The following SACM1L variants were observed in gnomAD, a reference collection of about 807,000 sequenced individuals.
SACM1L encodes phosphatidylinositol-3-phosphatase SAC1.
Under a neutral mutation model 89.5 loss-of-function variants are expected in SACM1L, and 32 were observed. The ratio of observed to expected loss-of-function variants is 0.36; its 90% CI spans 0.27 to 0.48. The LOEUF is 0.48. SACM1L is among the 20% of genes least tolerant of loss of function. The pLI is 0.99. For missense variants in SACM1L, 543 were observed against 708.5 expected, an observed-to-expected ratio of 0.77 and a Z score of 2.65; for synonymous variants, 213 against 232.8, an observed-to-expected ratio of 0.92 and a Z score of 0.77.
At chr3:45,690,639 T>G (rs1291369598) in intron 1 of SACM1L, among the ~76,000 whole-genome samples, 1 of 152,218 alleles carries the variant, frequency 6.6e-6, no homozygotes, top group Non-Finnish European at 1.5e-5. Flanking sequence ...AGATGATTGC[T>G]TTTTCTACAG....
chr3:45,723,302 T>C (rs919886178), intron 10 of SACM1L, among the ~76,000 whole-genome samples, 173 bp from the exon 11 acceptor site: 1 of 152,136 alleles, frequency 6.6e-6, no homozygotes, highest in African/African-American at 2.4e-5. Flanking sequence ...AGCTTATGAT[T>C]ACTAGATGAC....
At chr3:45,708,241 C>T (rs186544946) in intron 4 of SACM1L, among the ~76,000 whole-genome samples, 14 of 152,252 alleles carry the variant, frequency 9.2e-5, no homozygotes, top group Non-Finnish European at 1.6e-4. Context: ...CATATTTAAA[C>T]AGGATCTGTT....
At chr3:45,724,684 C>T (rs1306903074) in intron 11 of SACM1L, among the ~76,000 whole-genome samples, 2 of 152,126 alleles carry the variant, frequency 1.3e-5, no homozygotes, top group Admixed American at 1.3e-4. Context: ...CTCTTGGTGT[C>T]AAATTCAAGA....
intron 5 of SACM1L, among the ~76,000 whole-genome samples, chr3:45,711,995 C>T (rs1877933): frequency 0.48 from 73,488 of 152,094 alleles, 18,294 homozygotes; most frequent in Middle Eastern, 0.57. Flanking sequence ...TTTATAGAAA[C>T]AGCAGTGTGT....
At chr3:45,739,811 A>T in intron 19 of SACM1L, 167 bp downstream of exon 19, 1 of 673,408 alleles carries the variant, frequency 1.5e-6, no homozygotes, top group Non-Finnish European at 2.6e-6. Flanking sequence ...GAAAAATAAC[A>T]TACCTAGTAG....
At chr3:45,703,641 T>C in intron 2 of SACM1L, 106 bp downstream of exon 2, 2 of 623,090 alleles carry the variant, frequency 3.2e-6, no homozygotes, top group Non-Finnish European at 5.3e-6. Flanking sequence ...GATCTCTGAG[T>C]GCATTCTTAT....
chr3:45,694,057 A>G (rs1031083323), intron 1 of SACM1L, among the ~76,000 whole-genome samples: 2 of 152,208 alleles, frequency 1.3e-5, no homozygotes, highest in Non-Finnish European at 2.9e-5. Flanking sequence ...ATGACATCAA[A>G]TGTGGTTTGG....
intron 1 of SACM1L, among the ~76,000 whole-genome samples, chr3:45,695,893 A>G (rs1559534681): frequency 6.6e-6 from 1 of 152,046 alleles, no homozygotes. Context: ...TGACTTCTCT[A>G]GATGCCTCAT....
At chr3:45,724,300 T>TGTGTGG (rs1195476500) in intron 11 of SACM1L, among the ~76,000 whole-genome samples, 7 of 144,766 alleles carry the variant, frequency 4.8e-5, no homozygotes, top group Non-Finnish European at 1.1e-4. Context: ...TGTTTTCTGG[T>TGTGTGG]GTGTGTGTGT....
intron 13 of SACM1L, among the ~76,000 whole-genome samples, chr3:45,734,037 G>A (rs79979870): frequency 0.059 from 9,038 of 152,082 alleles, 891 homozygotes; most frequent in African/African-American, 0.21. Context: ...GGGGAGGAAG[G>A]GAAACTGATT....
chr3:45,714,050 A>T lies in SACM1L; in HGVS notation c.548A>T (p.His183Leu), dbSNP rs1698584765. The T allele has an allele frequency of 1.3e-6, 2 of 1,526,798 alleles. No homozygotes were observed. Among genetic ancestry groups the T allele is most frequent in the Non-Finnish European group, 1.8e-6 (2 of 1,116,000 alleles). The allele number at this position is 1,526,798 out of a possible 1,614,324, so 94.6% of individuals were successfully genotyped here. ...AAATATATATCTTCATTTCAGGTTC[A>T]TCGGTTTGCCCTTCCAGTGTTACAT... ...LRELSAQPEV[H>L]RFALPVLHGF... The change falls in exon 7 of 20, where the codon CAT becomes CTT. Residue 183 changes from histidine (H) to leucine (L), a missense_variant. His to Leu is a moderately conservative substitution (Grantham distance 99). Around this residue, in one of 2 missense-constraint regions of SACM1L, gnomAD observed 370 missense variants for 527.6 expected, o/e 0.70. Coordinates refer to ENST00000389061, the MANE Select transcript of SACM1L (RefSeq NM_014016.5).
chr3:45,739,878 C>A, intron 19 of SACM1L: 1 of 571,646 alleles, frequency 1.7e-6, no homozygotes, highest in Non-Finnish European at 3.1e-6. Flanking sequence ...TTTCTTATTA[C>A]TGTAAACCAA....
intron 6 of SACM1L, 76 bp downstream of exon 6, chr3:45,713,272 C>A: frequency 9.1e-7 from 1 of 1,095,886 alleles, no homozygotes; most frequent in Non-Finnish European, 1.3e-6. Context: ...AAAGTGACTT[C>A]CTAATCACCA....
In SACM1L at chr3:45,718,923, A is replaced by C. The variant is rs150706055; in HGVS notation, c.578-577A>C. 2.3e-3 allele frequency among the ~76,000 whole-genome samples: 353 copies of C among 152,238 alleles called. 4 individuals carry two copies. Among genetic ancestry groups the C allele is most frequent in the African/African-American group, 7.4e-3 (306 of 41,556 alleles). ...TAAAGAAAGGCTTTTGGGGAGATAC[A>C]GTCTTTCATACTGAGGTTCACCTTT... On this transcript the variant is annotated intron_variant, in intron 7 of 19. Coordinates refer to ENST00000389061, the MANE Select transcript of SACM1L (RefSeq NM_014016.5).
At position 45,702,788 on chromosome 3, in the gene SACM1L, G is replaced by A. The variant is rs150645717; in HGVS notation, c.33-650G>A. 8.6e-4 allele frequency among the ~76,000 whole-genome samples: 130 copies of A among 151,938 alleles called. 1 individual carries two copies. The highest frequency in any genetic ancestry group is 7.5e-3 in the Admixed American group (115 of 15,264). On this transcript the variant is annotated intron_variant, in intron 1 of 19. Coordinates refer to ENST00000389061, the MANE Select transcript of SACM1L (RefSeq NM_014016.5). ...AAATTTTAAGTAGTCTCTCTCAACC[G>A]TGTTTCTACCTCCTTTATTTTTTAT...
intron 10 of SACM1L, among the ~76,000 whole-genome samples, 194 bp downstream of exon 10, chr3:45,723,149 A>G (rs552422263): frequency 6.6e-6 from 1 of 152,334 alleles, no homozygotes; most frequent in African/African-American, 2.4e-5. Context: ...ATAGAAAAAC[A>G]AACTATGATT....
At chr3:45,728,233 C>T (rs1346983029) in intron 11 of SACM1L, among the ~76,000 whole-genome samples, 4 of 151,894 alleles carry the variant, frequency 2.6e-5, no homozygotes, top group African/African-American at 9.7e-5. Context: ...TATTTTTTTC[C>T]ATTTTGCCAG....
chr3:45,718,091 CAG>C (rs1227565121), intron 7 of SACM1L, among the ~76,000 whole-genome samples: 2 of 152,148 alleles, frequency 1.3e-5, no homozygotes, highest in East Asian at 3.8e-4. Context: ...CTTATTTGTA[CAG>C]AGATGTTTAT....
At chr3:45,713,944 C>G (rs1698581272) in intron 6 of SACM1L, 102 bp from the exon 7 acceptor site, 1 of 541,030 alleles carries the variant, frequency 1.8e-6, no homozygotes, top group African/African-American at 2.0e-5. Flanking sequence ...AAGTTTACTA[C>G]CTTGTTATGT....
Sources: gnomAD v4.1 joint callset for allele counts (sites outside exome capture counted in the v4.1 genomes callset) on GRCh38, gnomAD v4.1.1 for gene constraint, gnomAD v4.1.1 regional missense constraint, MANE v1.5 for transcripts, NCBI Gene and HGNC (gene_info 2026-07-23, HGNC 2026-07-21) for gene names.